PDZRN3: variants seen among roughly 807,000 people sequenced by gnomAD.
PDZRN3 encodes E3 ubiquitin-protein ligase PDZRN3.
PDZRN3 carries 38 observed loss-of-function variants against 85.7 expected under a neutral mutation model. The observed-to-expected ratio is 0.44, with a 90% confidence interval of 0.34 to 0.58. The LOEUF is 0.58. PDZRN3 is among the 20% of genes least tolerant of loss of function. The pLI is 0.01. For missense variants in PDZRN3, 1,629 were observed against 1,506.4 expected, an observed-to-expected ratio of 1.08 and a Z score of -1.35; for synonymous variants, 759 against 638.0, an observed-to-expected ratio of 1.19 and a Z score of -2.86.
chr3:73,403,574 C>G (rs1701796338), intron 4 of PDZRN3, among the ~76,000 whole-genome samples: 1 of 152,200 alleles, frequency 6.6e-6, no homozygotes, highest in East Asian at 1.9e-4. Context: ...GACTTGAAGC[C>G]TCTGAAGGAC....
chr3:73,544,920 C>T (rs1169300129), intron 3 of PDZRN3, among the ~76,000 whole-genome samples: 4 of 152,182 alleles, frequency 2.6e-5, no homozygotes, highest in African/African-American at 9.6e-5. Context: ...AATACTGTGC[C>T]TCTTCAAAAC....
chr3:73,600,776 T>A (rs1702505577), intron 3 of PDZRN3, among the ~76,000 whole-genome samples: 1 of 152,206 alleles, frequency 6.6e-6, no homozygotes, highest in Non-Finnish European at 1.5e-5. Flanking sequence ...TGTACTTATC[T>A]TTTTGAACAA....
At chr3:73,527,258 G>A (rs1287237695) in intron 3 of PDZRN3, among the ~76,000 whole-genome samples, 2 of 152,156 alleles carry the variant, frequency 1.3e-5, no homozygotes, top group Non-Finnish European at 1.5e-5. Context: ...CATCAAGTAG[G>A]TGCTCAGTAA....
Position 73,618,821 on chromosome 3 carries a change from TA to T in PDZRN3, c.723+5281del, listed in dbSNP as rs534179147. 2.0e-5 allele frequency among the ~76,000 whole-genome samples: 3 copies of T among 152,232 alleles called. No individual in the cohort carries two copies. In the South Asian group the frequency reaches 6.2e-4, roughly 32 times the overall value. On this transcript the variant is annotated intron_variant, in intron 1 of 9. Transcript: ENST00000263666. ...GTAAAACAAATCCTAATTTTCCTTA[TA>T]AATCACAGAAATGAAATAGAAGTGA...
rs569362776 is a variant in PDZRN3, at chr3:73,438,356, A to T, written c.919-33961T>A. Among the ~76,000 whole-genome samples, 14 of 152,360 alleles carry T rather than the reference A, an allele frequency of 9.2e-5. No homozygotes were observed. In the South Asian group the frequency reaches 2.5e-3, roughly 27 times the overall value. On this transcript the variant is annotated intron_variant, in intron 3 of 9. Coordinates refer to ENST00000263666, the MANE Select transcript of PDZRN3 (RefSeq NM_015009.3). Reference sequence around the variant, plus strand: ...TATTTATTTAATTGCTGAATAAGCTATCTAATTCAAGCATATTATTTTCAG... The same window carrying T: ...TATTTATTTAATTGCTGAATAAGCTTTCTAATTCAAGCATATTATTTTCAG...
At chr3:73,423,328 G>A (rs1306313062) in intron 3 of PDZRN3, among the ~76,000 whole-genome samples, 3 of 152,230 alleles carry the variant, frequency 2.0e-5, no homozygotes, top group Non-Finnish European at 4.4e-5. Context: ...TTTTGGGCAA[G>A]GGAGGGGAAT....
chr3:73,609,694 C>A (rs114500392), intron 1 of PDZRN3, among the ~76,000 whole-genome samples: 4,625 of 152,238 alleles, frequency 0.03, 221 homozygotes, highest in African/African-American at 0.1. Flanking sequence ...CTGTTTTAAA[C>A]ATAACACTGA....
At chr3:73,386,652 C>T (rs1343663034) in intron 8 of PDZRN3, among the ~76,000 whole-genome samples, 2 of 152,228 alleles carry the variant, frequency 1.3e-5, no homozygotes, top group African/African-American at 2.4e-5. Context: ...CATTCGCTGA[C>T]ATAATTGTCT....
In PDZRN3 at chr3:73,512,532, T is replaced by C. The variant is rs9825791; in HGVS notation, c.918+89822A>G. Reference sequence around the variant, plus strand: ...ATATGGGAATTTTAGTTGTTTTTTTTCTTTTTTTTTTCCGGGGAGAAGGAC... The same window carrying C: ...ATATGGGAATTTTAGTTGTTTTTTTCCTTTTTTTTTTCCGGGGAGAAGGAC... On this transcript the variant is annotated intron_variant, in intron 3 of 9. Coordinates refer to ENST00000263666, the MANE Select transcript of PDZRN3 (RefSeq NM_015009.3). 3.5e-3 allele frequency among the ~76,000 whole-genome samples: 531 copies of C among 151,980 alleles called. 4 individuals are homozygous for C. Among genetic ancestry groups the C allele is most frequent in the African/African-American group, 0.012 (488 of 41,518 alleles).
chr3:73,541,804 T>C (rs967056718), intron 3 of PDZRN3, among the ~76,000 whole-genome samples: 2 of 152,216 alleles, frequency 1.3e-5, no homozygotes, highest in Non-Finnish European at 2.9e-5. Context: ...TTTAGCTCAA[T>C]GTATTGCACA....
At chr3:73,420,009 T>C (rs1306249633) in intron 3 of PDZRN3, among the ~76,000 whole-genome samples, 1 of 152,232 alleles carries the variant, frequency 6.6e-6, no homozygotes, top group Non-Finnish European at 1.5e-5. Context: ...CTTTCCTAAG[T>C]GTTTTCACTT....
intron 3 of PDZRN3, among the ~76,000 whole-genome samples, chr3:73,452,874 T>TGTGTGTG (rs71126871): frequency 2.0e-5 from 3 of 151,520 alleles, no homozygotes; most frequent in Non-Finnish European, 4.4e-5. Context: ...TGTGTGTGTG[T>TGTGTGTG]TTTAAGTCCA....
intron 3 of PDZRN3, among the ~76,000 whole-genome samples, chr3:73,469,219 C>T (rs1703285233): frequency 6.6e-6 from 1 of 151,918 alleles, no homozygotes; most frequent in Non-Finnish European, 1.5e-5. Flanking sequence ...ATTACAGGTG[C>T]CCACCACCAT....
chr3:73,438,693 C>G (rs1184618803), intron 3 of PDZRN3, among the ~76,000 whole-genome samples: 2 of 152,336 alleles, frequency 1.3e-5, no homozygotes, highest in East Asian at 3.9e-4. Context: ...CACACAGATT[C>G]ACTAACTTGT....
At chr3:73,564,493 C>T (rs757206106) in intron 3 of PDZRN3, among the ~76,000 whole-genome samples, 1 of 152,142 alleles carries the variant, frequency 6.6e-6, no homozygotes, top group Non-Finnish European at 1.5e-5. Flanking sequence ...AGCTCAACTC[C>T]GTTCCTTGAG....
intron 3 of PDZRN3, among the ~76,000 whole-genome samples, chr3:73,490,165 G>A (rs1450841654): frequency 6.6e-6 from 1 of 152,166 alleles, no homozygotes; most frequent in Non-Finnish European, 1.5e-5. Context: ...CTGCACCCCT[G>A]GTGGGGCACA....
intron 3 of PDZRN3, among the ~76,000 whole-genome samples, chr3:73,472,290 T>G (rs909808705): frequency 3.3e-5 from 5 of 152,244 alleles, no homozygotes; most frequent in African/African-American, 1.2e-4. Context: ...CTAAATAGCC[T>G]GAGGCCGAGA....
chr3:73,528,946 A>G (rs1559723800), intron 3 of PDZRN3, among the ~76,000 whole-genome samples: 2 of 148,610 alleles, frequency 1.3e-5, no homozygotes, highest in African/African-American at 4.9e-5. Flanking sequence ...CAAACCTTCT[A>G]AACAAAAAAA....
chr3:73,524,913 T>C (rs1259497457), intron 3 of PDZRN3, among the ~76,000 whole-genome samples: 2 of 151,440 alleles, frequency 1.3e-5, no homozygotes, highest in Non-Finnish European at 2.9e-5. Context: ...CATATACATA[T>C]GAAAATCACA....
Sources: gnomAD v4.1 joint callset for allele counts (sites outside exome capture counted in the v4.1 genomes callset) on GRCh38, gnomAD v4.1.1 for gene constraint, MANE v1.5 for transcripts, NCBI Gene and HGNC (gene_info 2026-07-23, HGNC 2026-07-21) for gene names.